Variants in CSMD1 observed in about 807,000 individuals in gnomAD.
CSMD1 encodes the protein CUB and sushi domain-containing protein 1.
Under a neutral mutation model 417.5 loss-of-function variants are expected in CSMD1, and 213 were observed. The observed-to-expected ratio is 0.51, with a 90% CI of 0.46 to 0.57. CSMD1 has a LOEUF of 0.57. Among genes scored for constraint, CSMD1 ranks in the 20% least tolerant of loss-of-function variants. The pLI is 0.00. For missense variants in CSMD1, 6,923 were observed against 4,529.7 expected (o/e 1.53, Z -15.17); for synonymous variants, 2,862 against 1,736.8 (o/e 1.65, Z -16.11).
chr8:3,121,523 G>A (rs1817204748), intron 41 of CSMD1, among the ~76,000 whole-genome samples: 1 of 152,176 alleles, frequency 6.6e-6, no homozygotes, highest in Admixed American at 6.5e-5. Context: ...TTCACCTGGA[G>A]GGAAGCGCTG....
chr8:4,291,802 C>G (rs1214478703), intron 3 of CSMD1, among the ~76,000 whole-genome samples: 1 of 152,176 alleles, frequency 6.6e-6, no homozygotes, highest in African/African-American at 2.4e-5. Flanking sequence ...CAAGTAATAT[C>G]TGGTTCTGAA....
At chr8:3,864,702 G>T (rs980925833) in intron 5 of CSMD1, among the ~76,000 whole-genome samples, 1 of 152,038 alleles carries the variant, frequency 6.6e-6, no homozygotes. Flanking sequence ...CTACTGGGAG[G>T]TTGGAACATT....
intron 3 of CSMD1, among the ~76,000 whole-genome samples, chr8:4,132,426 A>T (rs1199300906): frequency 6.6e-6 from 1 of 152,136 alleles, no homozygotes; most frequent in Non-Finnish European, 1.5e-5. Flanking sequence ...ACCCATAGAA[A>T]CTATTTTTAT....
At chr8:4,861,175 T>C (rs1015011034) in intron 1 of CSMD1, among the ~76,000 whole-genome samples, 1 of 152,168 alleles carries the variant, frequency 6.6e-6, no homozygotes, top group African/African-American at 2.4e-5. Context: ...AAGTTGATAA[T>C]AGATTCTGAC....
chr8:3,770,452 C>A (rs978343813), intron 5 of CSMD1, among the ~76,000 whole-genome samples: 1 of 152,028 alleles, frequency 6.6e-6, no homozygotes, highest in African/African-American at 2.4e-5. Flanking sequence ...TCTCTTGAAC[C>A]CAAGAGGCAG....
intron 35 of CSMD1, 46 bp from the exon 36 acceptor site, chr8:3,188,011 C>A (rs1796165471): frequency 6.7e-7 from 1 of 1,494,040 alleles, no homozygotes; most frequent in Non-Finnish European, 9.2e-7. Flanking sequence ...TGGCTTAACA[C>A]AATTAGTCTA....
chr8:3,797,887 C>A (rs540608641), intron 5 of CSMD1, among the ~76,000 whole-genome samples: 21 of 152,090 alleles, frequency 1.4e-4, no homozygotes, highest in Non-Finnish European at 2.9e-4. Context: ...AGTGAGCATG[C>A]AAGTTGTTAC....
intron 2 of CSMD1, among the ~76,000 whole-genome samples, chr8:4,525,484 T>C (rs1053373423): frequency 7.2e-5 from 11 of 152,170 alleles, no homozygotes; most frequent in African/African-American, 1.9e-4. Context: ...CATTGATTTG[T>C]CGTAAGAGCA....
At chr8:4,728,376 AG>A (rs1424529986) in intron 1 of CSMD1, among the ~76,000 whole-genome samples, 2 of 151,954 alleles carry the variant, frequency 1.3e-5, no homozygotes, top group Non-Finnish European at 2.9e-5. Flanking sequence ...ACATGATATA[AG>A]GGACGTATTT....
chr8:4,211,647 T>A (rs912677052), intron 3 of CSMD1, among the ~76,000 whole-genome samples: 3 of 152,212 alleles, frequency 2.0e-5, no homozygotes, highest in African/African-American at 7.2e-5. Flanking sequence ...CGTACTAAAA[T>A]CTGTAAATAT....
In CSMD1 at chr8:3,645,608, G is replaced by C. The variant is rs189829736; in HGVS notation, c.1010-28811C>G. On this transcript the variant is annotated intron_variant, in intron 7 of 69. Coordinates refer to ENST00000635120, the MANE Select transcript of CSMD1 (RefSeq NM_033225.6). ...ATGGGAAGAGTCAGCCTTCTGCAAG[G>C]GATCATGGGAAGAGTCGGCCTTCTG... Among the ~76,000 whole-genome samples the C allele has an allele frequency of 2.2e-3, 339 of 152,210 alleles. 11 individuals carry two copies. The highest frequency in any genetic ancestry group is 2.8e-4 in the Non-Finnish European group (19 of 68,016).
intron 3 of CSMD1, among the ~76,000 whole-genome samples, chr8:4,401,237 T>C (rs1266755580): frequency 2.0e-5 from 3 of 152,158 alleles, no homozygotes; most frequent in South Asian, 2.1e-4. Context: ...TTCAGCATTG[T>C]ATGCTTATTT....
At chr8:4,845,744 G>A (rs78356754) in intron 1 of CSMD1, among the ~76,000 whole-genome samples, 2,395 of 152,300 alleles carry the variant, frequency 0.016, 57 homozygotes, top group African/African-American at 0.054. Flanking sequence ...GCACTGGCCG[G>A]TGCTCAGGGA....
chr8:4,160,455 G>C (rs144144186), intron 3 of CSMD1, among the ~76,000 whole-genome samples: 1 of 152,276 alleles, frequency 6.6e-6, no homozygotes, highest in East Asian at 1.9e-4. Flanking sequence ...TTTCAATAAA[G>C]TAAGTGTTGG....
At chr8:4,270,211 G>A (rs978606865) in intron 3 of CSMD1, among the ~76,000 whole-genome samples, 5 of 152,218 alleles carry the variant, frequency 3.3e-5, no homozygotes, top group East Asian at 1.9e-4. Flanking sequence ...TGTTTCCTAC[G>A]GTGCAAATCA....
intron 25 of CSMD1, among the ~76,000 whole-genome samples, chr8:3,307,291 G>A (rs934890015): frequency 4.6e-5 from 7 of 151,584 alleles, no homozygotes; most frequent in South Asian, 2.1e-4. Context: ...TGGTGTGCAG[G>A]GGCTCCTGCT....
chr8:4,043,364 G>A (rs1323367199), intron 3 of CSMD1, among the ~76,000 whole-genome samples: 1 of 152,128 alleles, frequency 6.6e-6, no homozygotes, highest in Non-Finnish European at 1.5e-5. Flanking sequence ...ACTGCAAGGT[G>A]GTAAAATTAA....
chr8:3,667,314 A>G (rs980560062), intron 7 of CSMD1, among the ~76,000 whole-genome samples: 2 of 152,186 alleles, frequency 1.3e-5, no homozygotes, highest in African/African-American at 4.8e-5. Flanking sequence ...AAAGATAAAA[A>G]GAGAGTGAAG....
At chr8:4,841,263 C>G (rs1481812246) in intron 1 of CSMD1, among the ~76,000 whole-genome samples, 3 of 152,222 alleles carry the variant, frequency 2.0e-5, no homozygotes, top group African/African-American at 7.2e-5. Flanking sequence ...TTCACCAATG[C>G]AGCCTTTGGT....
Sources: gnomAD v4.1 joint callset for allele counts (sites outside exome capture counted in the v4.1 genomes callset) on GRCh38, gnomAD v4.1.1 for gene constraint, MANE v1.5 for transcripts, NCBI Gene and HGNC (gene_info 2026-07-23, HGNC 2026-07-21) for gene names.